Variants in GPRASP2 observed in about 807,000 individuals in gnomAD.
The protein encoded by GPRASP2 is G protein-coupled receptor associated sorting protein 2.
Under a neutral mutation model 36.0 loss-of-function variants are expected in GPRASP2, and 10 were observed. The ratio of observed to expected loss-of-function variants is 0.28; its 90% CI spans 0.17 to 0.47. The LOEUF (loss-of-function observed/expected upper bound fraction) is 0.47, where lower values mean the gene tolerates loss of function less well. Ranked by LOEUF, GPRASP2 falls within the 20% of genes least tolerant of loss-of-function variation. GPRASP2 has a pLI of 0.99. For missense variants in GPRASP2, 538 were observed against 626.7 expected (o/e 0.86, Z 1.51); for synonymous variants, 219 against 230.5 (o/e 0.95, Z 0.45).
chrX:102,717,583 T>C lies in GPRASP2; in HGVS notation c.*197T>C. 1.7e-6 allele frequency: 1 copy of C among 604,543 alleles called. No individual in the cohort carries two copies. Among genetic ancestry groups the C allele is most frequent in the Non-Finnish European group, 2.2e-6 (1 of 444,965 alleles). The allele number at this position is 604,543 out of a possible 1,213,427, so 49.8% of individuals were successfully genotyped here. On this transcript the variant is annotated 3_prime_UTR_variant, in exon 5 of 5. Coordinates refer to ENST00000483720, the MANE Select transcript of GPRASP2 (RefSeq NM_001004051.4). Reference sequence around the variant, plus strand: ...AAAACTGAAAACACATTTGTTGATATTTGTCTTGCTGTCCAGATTGCGGTA... The same window carrying C: ...AAAACTGAAAACACATTTGTTGATACTTGTCTTGCTGTCCAGATTGCGGTA...
rs776120842 is a variant in GPRASP2, at chrX:102,716,529, A to G, written c.1660A>G (p.Thr554Ala). ...GCCTGATCAGCCTAGTCCTGAGTTC[A>G]CATTTCAGTATGATCCTTCCTACCG... ...LQPDQPSPEF[T>A]FQYDPSYRSV... The change falls in exon 5 of 5, where the codon ACA becomes GCA. Residue 554 changes from threonine (T) to alanine (A), a missense_variant. Thr to Ala is a moderately conservative substitution (Grantham distance 58, BLOSUM62 0). Transcript: ENST00000483720. 3.1e-5 allele frequency: 37 copies of G among 1,210,442 alleles called. No homozygotes were observed. In the East Asian group the frequency reaches 1.0e-3, roughly 34 times the overall value.
rs768102382 is a variant in GPRASP2 at position 102,715,398 on chromosome X, A to G, written c.529A>G (p.Asn177Asp). Residue 177 changes from asparagine (N) to aspartate (D), a missense_variant, in exon 5 of 5, where the codon AAT becomes GAT. Physicochemically the swap from Asn to Asp is conservative, Grantham distance 23. Coordinates refer to ENST00000483720, the MANE Select transcript of GPRASP2 (RefSeq NM_001004051.4). The part of the protein sequence containing the change: ...KGLSMDRELV[N>D]VDAETFPGTQ... ...CCTGTCTATGGATAGAGAACTAGTC[A>G]ATGTGGATGCTGAAACCTTTCCTGG... The G allele has an allele frequency of 1.6e-6, 2 of 1,212,201 alleles. No individual in the cohort carries two copies. Among genetic ancestry groups the G allele is most frequent in the South Asian group, 1.8e-5 (1 of 57,001 alleles).
intron 2 of GPRASP2, 138 bp downstream of exon 2, chrX:102,713,355 A>G (rs1330387758): frequency 9.0e-6 from 1 of 111,697 alleles, no homozygotes; most frequent in Non-Finnish European, 1.9e-5. Context: ...CCCACCTTCC[A>G]TCCCCACCTG....
intron 3 of GPRASP2, 148 bp from the exon 4 acceptor site, chrX:102,714,041 A>C (rs1003816427): frequency 9.0e-6 from 1 of 111,393 alleles, no homozygotes; most frequent in Non-Finnish European, 1.9e-5. Flanking sequence ...CTCAGAAAAG[A>C]CCTGAGAGCA....
chrX:102,714,899 C>G lies in GPRASP2; in HGVS notation c.30C>G (p.Ala10=). The change falls in exon 5 of 5, where the codon GCC becomes GCG. Residue 10 remains alanine (A), a synonymous_variant. Transcript: ENST00000483720. MTGAEIEPS[A]QAKPEKKAGE... is the part of the protein sequence containing the mutation. ...CTGGGGCAGAGATTGAGCCTAGTGC[C>G]CAGGCCAAGCCTGAAAAGAAGGCTG... The G allele has an allele frequency of 8.3e-7, 1 of 1,211,452 alleles. No individual in the cohort carries two copies. Among genetic ancestry groups the G allele is most frequent in the Non-Finnish European group, 1.1e-6 (1 of 895,336 alleles).
chrX:102,713,047 G>A (rs2081899962), intron 1 of GPRASP2, 83 bp from the exon 2 acceptor site: 1 of 112,609 alleles, frequency 8.9e-6, no homozygotes, highest in South Asian at 3.7e-4. Flanking sequence ...TTCCCGAAAG[G>A]GGCCTGTGGG....
chrX:102,712,743 C>T (rs1286665964), intron 1 of GPRASP2, among the ~76,000 whole-genome samples, 191 bp downstream of exon 1: 1 of 112,805 alleles, frequency 8.9e-6, no homozygotes, highest in African/African-American at 3.2e-5. Flanking sequence ...CGGAGCGGGC[C>T]TGGCCAAGGG....
At position 102,717,418 on chromosome X, in the gene GPRASP2, A is replaced by G. The variant is rs761081654; in HGVS notation, c.*32A>G. On this transcript the variant is annotated 3_prime_UTR_variant, in exon 5 of 5. Transcript: ENST00000483720. ...TAACCACCTGCCGCTGATCAGCCTTATGTTCCCAAAGAGCCCTGAGTAGTG... is the reference window on the plus strand; with the variant it reads ...TAACCACCTGCCGCTGATCAGCCTTGTGTTCCCAAAGAGCCCTGAGTAGTG... 6.7e-6 allele frequency: 7 copies of G among 1,037,855 alleles called. No homozygotes were observed. The highest frequency in any genetic ancestry group is 8.7e-6 in the Non-Finnish European group (7 of 805,819). The allele number at this position is 1,037,855 out of a possible 1,213,427, so 85.5% of individuals were successfully genotyped here.
Position 102,714,788 on chromosome X carries a change from G to A in GPRASP2, c.-82G>A, listed in dbSNP as rs1236745627. The A allele has an allele frequency of 1.2e-5, 14 of 1,145,165 alleles. No individual in the cohort carries two copies. In the East Asian group the frequency reaches 3.6e-4, roughly 29 times the overall value. The allele number at this position is 1,145,165 out of a possible 1,213,427, so 94.4% of individuals were successfully genotyped here. On this transcript the variant is annotated 5_prime_UTR_variant, in exon 5 of 5. Transcript: ENST00000483720. ...AATCACCTAAAGATCAGAGTGTGAA[G>A]AAACAAACCTGTGACAGATCTGTGG...
At position 102,715,851 on chromosome X, in the gene GPRASP2, T is replaced by C; in HGVS notation, c.982T>C (p.Ser328Pro). The change falls in exon 5 of 5, where the codon TCT becomes CCT. Residue 328 changes from serine (S) to proline (P), a missense_variant. This residue lies in a region of GPRASP2 where 276 missense variants were observed against 275.0 expected (regional missense o/e 1.00). Transcript: ENST00000483720. ...LRTNREDCFE[S>P]ESEDEFYKQS... Reference sequence around the variant, plus strand: ...GACAAATAGAGAAGATTGTTTTGAATCTGAGTCTGAAGATGAGTTCTATAA... The same window carrying C: ...GACAAATAGAGAAGATTGTTTTGAACCTGAGTCTGAAGATGAGTTCTATAA... 8.3e-7 allele frequency: 1 copy of C among 1,211,616 alleles called. No homozygotes were observed. The highest frequency in any genetic ancestry group is 1.1e-6 in the Non-Finnish European group (1 of 895,507).
Position 102,716,587 on chromosome X carries a change from C to T in GPRASP2, c.1718C>T (p.Ala573Val), listed in dbSNP as rs1379444661. ...CGGGAAATTCGAGAGCATCTTAGGGCCAGGGAGAGTGCAGAGTCTGAGAGT... is the reference window on the plus strand; with the variant it reads ...CGGGAAATTCGAGAGCATCTTAGGGTCAGGGAGAGTGCAGAGTCTGAGAGT... ...SVREIREHLR[A>V]RESAESESWS... The change falls in exon 5 of 5, where the codon GCC (alanine) becomes GTC (valine). Residue 573 changes from alanine (A) to valine (V), a missense_variant. This residue lies in a region of GPRASP2 where 262 missense variants were observed against 351.7 expected (regional missense o/e 0.74). Transcript: ENST00000483720. 1.7e-6 allele frequency: 2 copies of T among 1,211,902 alleles called. No homozygotes were observed. The highest frequency in any genetic ancestry group is 2.2e-6 in the Non-Finnish European group (2 of 895,606).
rs2081976958 is a variant in GPRASP2 at position 102,717,146 on chromosome X, A to C, written c.2277A>C (p.Lys759Asn). 2 of 1,189,369 alleles carry C rather than the reference A, an allele frequency of 1.7e-6. No homozygotes were observed. Among genetic ancestry groups the C allele is most frequent in the East Asian group, 6.0e-5 (2 of 33,374 alleles). The change falls in exon 5 of 5, where the codon AAA (lysine) becomes AAC (asparagine). Residue 759 changes from lysine to asparagine, a missense_variant. Lys to Asn is a moderately conservative substitution (Grantham distance 94, BLOSUM62 0). This residue lies in a region of GPRASP2 where 262 missense variants were observed against 351.7 expected (regional missense o/e 0.74). Coordinates refer to ENST00000483720, the MANE Select transcript of GPRASP2 (RefSeq NM_001004051.4). ...PAVAKKLFSA[K>N]ALSIFVGLFN... ...TGGCAAAAAAACTATTCAGTGCCAA[A>C]GCTCTTTCAATATTTGTGGGTCTCT... is the stretch of plus-strand genomic sequence containing the variant.
chrX:102,712,943 T>C (rs1421492091), intron 1 of GPRASP2, 187 bp from the exon 2 acceptor site: 2 of 111,796 alleles, frequency 1.8e-5, no homozygotes, highest in Non-Finnish European at 3.8e-5. Flanking sequence ...GGGAAGGCCG[T>C]TGGGGGGCGC....
Position 102,716,743 on chromosome X carries a change from G to T in GPRASP2, c.1874G>T (p.Ser625Ile). The T allele has an allele frequency of 1.7e-6, 2 of 1,211,936 alleles. No homozygotes were observed. Among genetic ancestry groups the T allele is most frequent in the Non-Finnish European group, 2.2e-6 (2 of 895,600 alleles). The change falls in exon 5 of 5, where the codon AGT becomes ATT. Residue 625 changes from serine to isoleucine, a missense_variant. Transcript: ENST00000483720. ...EISKIAMGMR[S>I]ASQFTRDFIR... ...TCTAAAATTGCAATGGGTATGAGAAGTGCTTCTCAATTTACCCGAGATTTC... is the reference window on the plus strand; with the variant it reads ...TCTAAAATTGCAATGGGTATGAGAATTGCTTCTCAATTTACCCGAGATTTC...
intron 1 of GPRASP2, among the ~76,000 whole-genome samples, chrX:102,712,928 C>A (rs2081895666): frequency 8.9e-6 from 1 of 112,466 alleles, no homozygotes; most frequent in South Asian, 3.6e-4. Context: ...GCTGTGGGGG[C>A]GCCCGGGAAG....
At chrX:102,712,865 C>G (rs1488090957) in intron 1 of GPRASP2, among the ~76,000 whole-genome samples, 2 of 112,806 alleles carry the variant, frequency 1.8e-5, no homozygotes, top group Non-Finnish European at 3.8e-5. Flanking sequence ...GTGTCTGTGC[C>G]CGGAGAGGGC....
At chrX:102,713,673 A>C (rs1366189162) in intron 2 of GPRASP2, 109 bp from the exon 3 acceptor site, 1 of 113,014 alleles carries the variant, frequency 8.8e-6, no homozygotes, top group Non-Finnish European at 1.9e-5. Flanking sequence ...TGAAAGACAG[A>C]TACCAATAAT....
rs772961604 is a variant in GPRASP2 at position 102,716,821 on chromosome X, C to T, written c.1952C>T (p.Ser651Phe). 8.3e-7 allele frequency: 1 copy of T among 1,210,678 alleles called. No individual in the cohort carries two copies. The highest frequency in any genetic ancestry group is 1.8e-5 in the South Asian group (1 of 56,843). The stretch of plus-strand genomic sequence containing the variant: ...ATTGAAACCTTGCTTAATTATCCAT[C>T]CTCTAGAGTTAGGACAAGTTTTTTG... Reference protein sequence around the residue: ...SLIETLLNYPSSRVRTSFLEN... With the variant: ...SLIETLLNYPFSRVRTSFLEN... The change falls in exon 5 of 5, where the codon TCC (serine) becomes TTC (phenylalanine). Residue 651 changes from serine (S) to phenylalanine (F), a missense_variant. Ser to Phe is a radical substitution (Grantham distance 155). This residue lies in a region of GPRASP2 where 262 missense variants were observed against 351.7 expected (regional missense o/e 0.74). Coordinates refer to ENST00000483720, the MANE Select transcript of GPRASP2 (RefSeq NM_001004051.4).
Position 102,715,251 on chromosome X carries a change from G to C in GPRASP2, c.382G>C (p.Ala128Pro). Reference sequence around the variant, plus strand: ...AGCAAGGCCCAAGGATGAGGCCCAGGCATGGGCCCAGAGTGAATTTGGGAC... The same window carrying C: ...AGCAAGGCCCAAGGATGAGGCCCAGCCATGGGCCCAGAGTGAATTTGGGAC... ...PGARPKDEAQAWAQSEFGTEA... is the reference protein window; with the variant it reads ...PGARPKDEAQPWAQSEFGTEA... Residue 128 changes from alanine to proline, a missense_variant, in exon 5 of 5, where the codon GCA (alanine) becomes CCA (proline). Physicochemically the swap from Ala to Pro is conservative, Grantham distance 27. This residue lies in a region of GPRASP2 where 276 missense variants were observed against 275.0 expected (regional missense o/e 1.00). Coordinates refer to ENST00000483720, the MANE Select transcript of GPRASP2 (RefSeq NM_001004051.4). 8.3e-7 allele frequency: 1 copy of C among 1,209,708 alleles called. No individual in the cohort carries two copies.
Sources: allele counts gnomAD v4.1 joint callset (sites outside exome capture counted in the v4.1 genomes callset), GRCh38; gene constraint gnomAD v4.1.1; regional missense constraint gnomAD v4.1.1; transcripts MANE v1.5; gene names NCBI Gene and HGNC (gene_info 2026-07-23, HGNC 2026-07-21).